The following CCDC150 variants were observed in gnomAD, a reference collection of about 807,000 sequenced individuals.
CCDC150 encodes coiled-coil domain-containing protein 150.
A neutral mutation model predicts 156.5 loss-of-function variants in CCDC150; 151 were observed. That is an observed-to-expected ratio of 0.97 (90% CI 0.85 to 1.10). The LOEUF is 1.10. CCDC150 is among the 50% of genes least tolerant of loss of function. The probability of loss-of-function intolerance (pLI) is 0.00; values close to 1 mark genes in which losing one functional copy is unlikely to be tolerated. For synonymous variants in CCDC150, 452 were observed against 429.4 expected (o/e 1.05, Z -0.65); for missense variants, 1,312 against 1,268.1 (o/e 1.03, Z -0.53).
chr2:196,701,054 A>G, intron 14 of CCDC150, 55 bp from the exon 15 acceptor site: 1 of 1,135,086 alleles, frequency 8.8e-7, no homozygotes. Flanking sequence ...TAAAAATGAA[A>G]ATGGTTATTC....
intron 2 of CCDC150, among the ~76,000 whole-genome samples, chr2:196,649,952 A>G (rs1692777735): frequency 6.6e-6 from 1 of 152,106 alleles, no homozygotes; most frequent in African/African-American, 2.4e-5. Context: ...AAAAGAGACA[A>G]TTTCACTTCC....
Position 196,674,362 on chromosome 2 carries a change from A to C in CCDC150, c.1137+14A>C, listed in dbSNP as rs777434453. On this transcript the variant is annotated intron_variant, in intron 10 of 27. Transcript: ENST00000389175. ...GCCATTCTGCAGGTATTCGTTTAAC[A>C]TGAAAGCCAACCAGAAAGCCAGCCT... 6.5e-7 allele frequency: 1 copy of C among 1,546,466 alleles called. No individual in the cohort carries two copies. Among genetic ancestry groups the C allele is most frequent in the Admixed American group, 1.8e-5 (1 of 54,332 alleles).
intron 15 of CCDC150, among the ~76,000 whole-genome samples, chr2:196,710,268 C>T (rs892305138): frequency 2.1e-4 from 32 of 152,242 alleles, no homozygotes; most frequent in African/African-American, 7.7e-4. Flanking sequence ...TCTGCGTTAG[C>T]AGTGAGCAAG....
chr2:196,661,878 T>C (rs1158932045), intron 5 of CCDC150, among the ~76,000 whole-genome samples: 1 of 152,152 alleles, frequency 6.6e-6, no homozygotes, highest in African/African-American at 2.4e-5. Flanking sequence ...TTTAAAAAGG[T>C]GGCCAGCTGA....
At chr2:196,713,517 T>A in intron 17 of CCDC150, 1 of 1,550,580 alleles carries the variant, frequency 6.4e-7, no homozygotes. Context: ...GCACCTAACC[T>A]GCCTTCTATG....
intron 15 of CCDC150, among the ~76,000 whole-genome samples, chr2:196,706,357 G>A (rs1359713599): frequency 2.6e-5 from 4 of 152,222 alleles, no homozygotes; most frequent in Non-Finnish European, 5.9e-5. Flanking sequence ...TTTGCACATT[G>A]ATTTTGTATC....
At chr2:196,663,455 TA>T (rs1693667930) in intron 5 of CCDC150, among the ~76,000 whole-genome samples, 1 of 147,890 alleles carries the variant, frequency 6.8e-6, no homozygotes, top group African/African-American at 2.5e-5. Context: ...TAATACATAG[TA>T]CTGATGAGAT....
intron 15 of CCDC150, among the ~76,000 whole-genome samples, chr2:196,711,393 T>C (rs979493954): frequency 1.1e-4 from 17 of 152,150 alleles, no homozygotes; most frequent in Non-Finnish European, 1.5e-5. Flanking sequence ...AAACAAGATA[T>C]TGAGAGATGG....
chr2:196,665,441 A>T, intron 5 of CCDC150, 126 bp from the exon 6 acceptor site: 1 of 457,920 alleles, frequency 2.2e-6, no homozygotes, highest in Non-Finnish European at 3.8e-6. Flanking sequence ...GTTTCTGAGT[A>T]GTCATAAATG....
At position 196,666,847 on chromosome 2, in the gene CCDC150, A is replaced by G; in HGVS notation, c.891A>G (p.Leu297=). 2 of 1,613,652 alleles carry G rather than the reference A, an allele frequency of 1.2e-6. No homozygotes were observed. The highest frequency in any genetic ancestry group is 1.7e-6 in the Non-Finnish European group (2 of 1,179,692). ...CTACTTCACAGCTCAAATCTGATCT[A>G]AGTATGAAAATAGATGCTAGAAATC... ...EIATSQLKSD[L]TSRDDLISKL... The change falls in exon 7 of 28, where the codon CTA becomes CTG. Residue 297 remains leucine (L), a splice_region_variant and synonymous_variant. Transcript: ENST00000389175.
At chr2:196,728,217 T>C (rs1331937136) in intron 22 of CCDC150, among the ~76,000 whole-genome samples, 1 of 152,144 alleles carries the variant, frequency 6.6e-6, no homozygotes, top group Non-Finnish European at 1.5e-5. Context: ...CTGAACATAA[T>C]ACTCAGTACA....
At position 196,676,163 on chromosome 2, in the gene CCDC150, G is replaced by A. The variant is rs756944211; in HGVS notation, c.1158G>A (p.Thr386=). The change falls in exon 11 of 28, where the codon ACG becomes ACA. Residue 386 remains threonine, a synonymous_variant. Transcript: ENST00000389175. ...AILQVEQKMM[T]QTFQEQNLLL... ...CTCAGGTAGAGCAGAAAATGATGACGCAGACATTTCAAGAACAAAACTTAT... is the reference window on the plus strand; with the variant it reads ...CTCAGGTAGAGCAGAAAATGATGACACAGACATTTCAAGAACAAAACTTAT... The A allele has an allele frequency of 1.5e-5, 25 of 1,613,442 alleles. No homozygotes were observed. The highest frequency in any genetic ancestry group is 1.8e-5 in the Non-Finnish European group (21 of 1,179,542).
rs758987051 is a variant in CCDC150 at position 196,656,683 on chromosome 2, T to G, written c.227T>G (p.Val76Gly). 6.8e-6 allele frequency: 11 copies of G among 1,613,410 alleles called. No homozygotes were observed. The highest frequency in any genetic ancestry group is 9.3e-6 in the Non-Finnish European group (11 of 1,179,666). The change falls in exon 3 of 28, where the codon GTC (valine) becomes GGC (glycine). Residue 76 changes from valine to glycine, a missense_variant. Val to Gly is a moderately radical substitution (Grantham distance 109, BLOSUM62 -3). Transcript: ENST00000389175. ...TTAGAAGACCTGGACAGCCAGAAAG[T>G]CATTAGTCCTATCCAAAATGAAGCA... Reference protein sequence around the residue: ...DCLEDLDSQKVISPIQNEAIC... With the variant: ...DCLEDLDSQKGISPIQNEAIC...
intron 8 of CCDC150, among the ~76,000 whole-genome samples, chr2:196,671,579 C>T (rs1694208969): frequency 7.1e-6 from 1 of 140,578 alleles, no homozygotes; most frequent in African/African-American, 2.7e-5. Flanking sequence ...AAGTGCCCTC[C>T]ACCACGCCTG....
intron 5 of CCDC150, among the ~76,000 whole-genome samples, chr2:196,662,238 C>T (rs1693599842): frequency 1.3e-5 from 2 of 152,018 alleles, no homozygotes; most frequent in South Asian, 2.1e-4. Flanking sequence ...AATTTCTAAG[C>T]TTAAAAAGAA....
chr2:196,682,594 C>CTGTA (rs1378047699), intron 13 of CCDC150, among the ~76,000 whole-genome samples: 1 of 151,954 alleles, frequency 6.6e-6, no homozygotes, highest in East Asian at 1.9e-4. Context: ...TGTATATTTT[C>CTGTA]TGTATAAAGT....
chr2:196,657,503 A>G (rs1005697855), intron 4 of CCDC150: 8 of 198,654 alleles, frequency 4.0e-5, no homozygotes, highest in African/African-American at 1.9e-4. Context: ...ACAGAATAGG[A>G]TAGGACAAAA....
chr2:196,718,676 A>T (rs1559272850), intron 18 of CCDC150, 45 bp downstream of exon 18: 4 of 1,602,092 alleles, frequency 2.5e-6, no homozygotes, highest in Admixed American at 1.7e-5. Flanking sequence ...GAGAAGAAGC[A>T]CTTATGAAAT....
At chr2:196,705,331 T>C (rs1049142831) in intron 15 of CCDC150, among the ~76,000 whole-genome samples, 4 of 152,242 alleles carry the variant, frequency 2.6e-5, no homozygotes, top group Non-Finnish European at 4.4e-5. Flanking sequence ...TTCATGTGTC[T>C]GTTGGCTGCA....
Sources: allele counts gnomAD v4.1 joint callset (sites outside exome capture counted in the v4.1 genomes callset), GRCh38; gene constraint gnomAD v4.1.1; transcripts MANE v1.5; gene names NCBI Gene and HGNC (gene_info 2026-07-23, HGNC 2026-07-21).